The following TENM3 variants were observed in gnomAD, a reference collection of about 807,000 sequenced individuals.
TENM3 encodes the protein teneurin-3.
TENM3 carries 63 observed loss-of-function variants against 255.1 expected under a neutral mutation model. The observed-to-expected ratio is 0.25, with a 90% CI of 0.20 to 0.30. The LOEUF is 0.30. TENM3 is among the 10% of genes least tolerant of loss of function. The pLI, the probability that TENM3 is intolerant of heterozygous loss-of-function variation, is 1.00. For missense variants in TENM3, 2,929 were observed against 3,461.1 expected (o/e 0.85, Z 3.86); for synonymous variants, 1,306 against 1,322.3 (o/e 0.99, Z 0.27).
intron 3 of TENM3, among the ~76,000 whole-genome samples, chr4:182,351,776 T>G (rs546635297): frequency 6.0e-4 from 91 of 152,286 alleles, no homozygotes; most frequent in African/African-American, 2.2e-3. Flanking sequence ...CTCCCGACTT[T>G]GAGACCTTGG....
chr4:182,408,762 G>A (rs1580442404), intron 3 of TENM3, among the ~76,000 whole-genome samples: 1 of 151,822 alleles, frequency 6.6e-6, no homozygotes, highest in South Asian at 2.1e-4. Context: ...TCATCCATTC[G>A]TTCAAGAAGC....
In TENM3 at chr4:182,753,550, C is replaced by T; in HGVS notation, c.3963C>T (p.Asn1321=). Residue 1321 remains asparagine, a synonymous_variant, in exon 21 of 28, where the codon AAC becomes AAT. Coordinates refer to ENST00000511685, the MANE Select transcript of TENM3 (RefSeq NM_001080477.4). The part of the protein sequence containing the change: ...NGIISTLLGS[N]DLTSARPLTC... ...TCATATCAACTCTTCTGGGCTCTAA[C>T]GATTTGACTTCAGCCAGACCTTTAA... The T allele has an allele frequency of 3.1e-6, 5 of 1,613,946 alleles. No homozygotes were observed. The highest frequency in any genetic ancestry group is 1.1e-5 in the South Asian group (1 of 91,078).
the TENM3 span, among the ~76,000 whole-genome samples, chr4:181,960,686 A>G: frequency 2.6e-5 from 4 of 152,170 alleles, no homozygotes; most frequent in Non-Finnish European, 5.9e-5. Context: ...CCCAACATCT[A>G]TAATTTTGTA....
At chr4:181,898,884 C>T in the TENM3 span, among the ~76,000 whole-genome samples, 5 of 151,938 alleles carry the variant, frequency 3.3e-5, no homozygotes, top group South Asian at 2.1e-4. Context: ...TCTTTTATTT[C>T]GTTTTTTACT....
At chr4:182,052,346 G>A in the TENM3 span, among the ~76,000 whole-genome samples, 1 of 152,042 alleles carries the variant, frequency 6.6e-6, no homozygotes, top group African/African-American at 2.4e-5. Context: ...GGGAGAGAAG[G>A]AAACGGTAAA....
chr4:181,720,317 T>G, the TENM3 span, among the ~76,000 whole-genome samples: 1 of 152,230 alleles, frequency 6.6e-6, no homozygotes, highest in Non-Finnish European at 1.5e-5. Flanking sequence ...CCATTAATAT[T>G]CTAAGCCAAT....
chr4:182,255,714 G>T (rs1184099399), intron 1 of TENM3, among the ~76,000 whole-genome samples: 1 of 152,146 alleles, frequency 6.6e-6, no homozygotes, highest in Non-Finnish European at 1.5e-5. Context: ...CCAGAATTGG[G>T]CTTATGTGTA....
intron 2 of TENM3, among the ~76,000 whole-genome samples, chr4:182,345,227 G>A (rs972195731): frequency 1.3e-5 from 2 of 152,154 alleles, no homozygotes; most frequent in Non-Finnish European, 2.9e-5. Context: ...TAGTTAAAAT[G>A]TGTGGCAGCC....
At chr4:182,335,833 A>C (rs1764102541) in intron 2 of TENM3, among the ~76,000 whole-genome samples, 1 of 152,198 alleles carries the variant, frequency 6.6e-6, no homozygotes, top group Non-Finnish European at 1.5e-5. Context: ...TTACAGTTTG[A>C]AAACAGAAAG....
intron 1 of TENM3, among the ~76,000 whole-genome samples, chr4:182,220,386 A>AAAAAAAG (rs1755779965): frequency 6.7e-6 from 1 of 148,938 alleles, no homozygotes; most frequent in Non-Finnish European, 1.5e-5. Context: ...CACAAAAAAA[A>AAAAAAAG]AAAAAAAAAA....
chr4:182,212,136 A>G (rs1755086719), intron 1 of TENM3, among the ~76,000 whole-genome samples: 1 of 152,244 alleles, frequency 6.6e-6, no homozygotes, highest in South Asian at 2.1e-4. Flanking sequence ...GTAAATGCAT[A>G]GGGATTCCAT....
chr4:181,699,155 G>T, the TENM3 span, among the ~76,000 whole-genome samples: 12 of 152,114 alleles, frequency 7.9e-5, no homozygotes, highest in African/African-American at 2.9e-4. Flanking sequence ...ACAAGGCCAG[G>T]CATAGTGGCT....
rs951715350 is a variant in TENM3, at chr4:182,403,922, A to G, written c.511+56993A>G. 5.3e-5 allele frequency among the ~76,000 whole-genome samples: 8 copies of G among 152,240 alleles called. No individual in the cohort carries two copies. In the East Asian group the frequency reaches 1.5e-3, roughly 29 times the overall value. On this transcript the variant is annotated intron_variant, in intron 3 of 27. Coordinates refer to ENST00000511685, the MANE Select transcript of TENM3 (RefSeq NM_001080477.4). ...TTCTTTGTAGAGACCAGGTCTCCCTATGTTGCCCAGGCTGATCTTGAATTC... is the reference window on the plus strand; with the variant it reads ...TTCTTTGTAGAGACCAGGTCTCCCTGTGTTGCCCAGGCTGATCTTGAATTC...
chr4:181,552,949 A>G, the TENM3 span, among the ~76,000 whole-genome samples: 1 of 152,202 alleles, frequency 6.6e-6, no homozygotes, highest in Non-Finnish European at 1.5e-5. Flanking sequence ...CGCACCACAC[A>G]CACACCACAC....
At chr4:182,265,964 C>T (rs1326741618) in intron 1 of TENM3, among the ~76,000 whole-genome samples, 1 of 152,162 alleles carries the variant, frequency 6.6e-6, no homozygotes, top group African/African-American at 2.4e-5. Context: ...TCATAAACTG[C>T]CTCTTTAACT....
intron 1 of TENM3, among the ~76,000 whole-genome samples, chr4:182,190,686 A>G (rs978088798): frequency 1.3e-5 from 2 of 151,978 alleles, no homozygotes; most frequent in Non-Finnish European, 1.5e-5. Context: ...CCATTATACT[A>G]TGTCTTACTA....
chr4:182,142,456 A>C (rs1426975941), upstream of TENM3: 1 of 167,132 alleles, frequency 6.0e-6, no homozygotes. Flanking sequence ...GGATAAACTA[A>C]CATAAAGGTT....
At chr4:182,445,815 A>G (rs188980395) in intron 3 of TENM3, among the ~76,000 whole-genome samples, 113 of 152,344 alleles carry the variant, frequency 7.4e-4, no homozygotes, top group Admixed American at 1.3e-3. Context: ...TATATTTGAT[A>G]GTGTCTGCTC....
At chr4:181,592,814 C>A in the TENM3 span, among the ~76,000 whole-genome samples, 2 of 152,190 alleles carry the variant, frequency 1.3e-5, no homozygotes, top group South Asian at 4.1e-4. Context: ...ATCTGCAGAA[C>A]TTTTCTGAAG....
Sources: allele counts gnomAD v4.1 joint callset (sites outside exome capture counted in the v4.1 genomes callset), GRCh38; gene constraint gnomAD v4.1.1; transcripts MANE v1.5; gene names NCBI Gene and HGNC (gene_info 2026-07-23, HGNC 2026-07-21).